The following ZDHHC2 variants were observed in gnomAD, a reference collection of about 807,000 sequenced individuals.
ZDHHC2 encodes the protein zDHHC palmitoyltransferase 2, also known as palmitoyltransferase ZDHHC2.
In ZDHHC2, 51 loss-of-function variants were observed where a neutral mutation model predicts 55.6. The observed-to-expected ratio is 0.92, with a 90% confidence interval of 0.73 to 1.16. The LOEUF (loss-of-function observed/expected upper bound fraction) is 1.16, where lower values mean the gene tolerates loss of function less well. Ranked by LOEUF, ZDHHC2 falls within the 50% of genes most tolerant of loss-of-function variation. ZDHHC2 has a pLI of 0.00. For missense variants in ZDHHC2, 491 were observed against 442.4 expected (o/e 1.11, Z -0.99); for synonymous variants, 199 against 152.9 (o/e 1.30, Z -2.22).
intron 6 of ZDHHC2, among the ~76,000 whole-genome samples, chr8:17,202,707 T>C (rs1221860356): frequency 7.2e-6 from 1 of 139,490 alleles, no homozygotes; most frequent in Non-Finnish European, 1.5e-5. Context: ...TAAATGTCAC[T>C]ATATTTCTTC....
chr8:17,177,747 GGTGTTTGTGTGTGTGTGTGTGTGT>G (rs1236909348), intron 1 of ZDHHC2, among the ~76,000 whole-genome samples: 4 of 131,904 alleles, frequency 3.0e-5, no homozygotes, highest in Admixed American at 2.4e-4. Context: ...TCTGTTTTGG[GGTGTTTGTGTGTGTGTGTGTGTGT>G]GTGTTTGTGT....
intron 8 of ZDHHC2, among the ~76,000 whole-genome samples, chr8:17,209,552 T>C (rs114753563): frequency 6.6e-6 from 1 of 152,180 alleles, no homozygotes; most frequent in Admixed American, 6.5e-5. Context: ...ATAGTCTGAT[T>C]GTGGTTTTCT....
At chr8:17,192,500 C>G (rs2959629) in intron 3 of ZDHHC2, among the ~76,000 whole-genome samples, 134,964 of 152,212 alleles carry the variant, frequency 0.89, 60,053 homozygotes, top group Admixed American at 0.94. Context: ...GTTGTTCGAG[C>G]TCCTTATACA....
chr8:17,217,068 C>T (rs1005903910), intron 11 of ZDHHC2, 104 bp from the exon 12 acceptor site: 2 of 1,106,738 alleles, frequency 1.8e-6, no homozygotes, highest in African/African-American at 3.2e-5. Context: ...TACAAGGCAC[C>T]TTTGGAAGTC....
At chr8:17,209,691 A>G (rs1807278671) in intron 8 of ZDHHC2, among the ~76,000 whole-genome samples, 10 of 152,182 alleles carry the variant, frequency 6.6e-5, no homozygotes, top group Admixed American at 6.6e-4. Context: ...ATTTTCTACA[A>G]TGCACATGTA....
At chr8:17,212,667 C>T (rs1181351455) in intron 10 of ZDHHC2, among the ~76,000 whole-genome samples, 1 of 152,120 alleles carries the variant, frequency 6.6e-6, no homozygotes. Flanking sequence ...TCTATTTTCC[C>T]TTCAAAATAT....
At chr8:17,171,072 A>T (rs1230399213) in intron 1 of ZDHHC2, among the ~76,000 whole-genome samples, 1 of 152,136 alleles carries the variant, frequency 6.6e-6, no homozygotes, top group Non-Finnish European at 1.5e-5. Context: ...CCATAGACTT[A>T]CATGGTTCTA....
chr8:17,217,281 TAACAG>T, intron 12 of ZDHHC2, 35 bp downstream of exon 12: 1 of 1,450,122 alleles, frequency 6.9e-7, no homozygotes, highest in Non-Finnish European at 9.4e-7. Flanking sequence ...TTTATATTTT[TAACAG>T]TCTTCTAATT....
intron 6 of ZDHHC2, among the ~76,000 whole-genome samples, chr8:17,199,521 G>GTCT (rs574618918): frequency 1.7e-4 from 6 of 35,654 alleles, no homozygotes; most frequent in Admixed American, 1.1e-3. Flanking sequence ...CTTCGTCTTC[G>GTCT]TCTTCGTCTT....
At chr8:17,199,957 A>G (rs1288046152) in intron 6 of ZDHHC2, among the ~76,000 whole-genome samples, 1 of 151,912 alleles carries the variant, frequency 6.6e-6, no homozygotes, top group Non-Finnish European at 1.5e-5. Flanking sequence ...CGGTTTCACC[A>G]TATTGGCCAG....
chr8:17,166,077 G>A (rs964368708), intron 1 of ZDHHC2, among the ~76,000 whole-genome samples: 3 of 152,186 alleles, frequency 2.0e-5, no homozygotes, highest in South Asian at 2.1e-4. Flanking sequence ...TGAGGACTTC[G>A]GTTTTACTTG....
At chr8:17,199,586 TTC>T (rs1806596021) in intron 6 of ZDHHC2, among the ~76,000 whole-genome samples, 1 of 60,222 alleles carries the variant, frequency 1.7e-5, no homozygotes, top group African/African-American at 3.4e-5. Flanking sequence ...CTTCTTCTTC[TTC>T]TTTCTTCTTC....
At chr8:17,170,919 T>C (rs1413433711) in intron 1 of ZDHHC2, among the ~76,000 whole-genome samples, 1 of 152,224 alleles carries the variant, frequency 6.6e-6, no homozygotes, top group African/African-American at 2.4e-5. Flanking sequence ...AAATAATCAT[T>C]GAGGCACTTC....
intron 3 of ZDHHC2, among the ~76,000 whole-genome samples, chr8:17,190,951 CTTTTTTTTTTTTTT>C (rs10601402): frequency 1.9e-5 from 1 of 52,760 alleles, no homozygotes; most frequent in Admixed American, 2.8e-4. Context: ...CTTATTCATT[CTTTTTTTTTTTTTT>C]TTTTTTTTTT....
At chr8:17,197,990 T>G (rs1198029641) in intron 5 of ZDHHC2, among the ~76,000 whole-genome samples, 1 of 152,222 alleles carries the variant, frequency 6.6e-6, no homozygotes, top group Non-Finnish European at 1.5e-5. Flanking sequence ...TTGTTATATA[T>G]TTAATATACT....
At chr8:17,158,531 T>A (rs945011234) in intron 1 of ZDHHC2, among the ~76,000 whole-genome samples, 10 of 152,204 alleles carry the variant, frequency 6.6e-5, no homozygotes, top group Non-Finnish European at 1.2e-4. Context: ...CTAGCTGAGG[T>A]GCTATATGGC....
intron 1 of ZDHHC2, among the ~76,000 whole-genome samples, chr8:17,171,655 T>A (rs1307449597): frequency 1.3e-5 from 2 of 152,006 alleles, no homozygotes; most frequent in African/African-American, 4.8e-5. Flanking sequence ...TGCTTAGCTA[T>A]TTAGAGCAAT....
chr8:17,189,219 T>C (rs12682154), intron 3 of ZDHHC2, among the ~76,000 whole-genome samples: 16,751 of 150,832 alleles, frequency 0.11, 1,149 homozygotes, highest in South Asian at 0.24. Flanking sequence ...TCTCTCACCT[T>C]TTTGATGTCT....
intron 6 of ZDHHC2, among the ~76,000 whole-genome samples, chr8:17,202,270 G>C (rs1806825710): frequency 6.6e-6 from 1 of 150,646 alleles, no homozygotes; most frequent in African/African-American, 2.4e-5. Flanking sequence ...GCCTAGGCTG[G>C]AGTGCAGTGG....
Sources: gnomAD v4.1 joint callset for allele counts (sites outside exome capture counted in the v4.1 genomes callset) on GRCh38, gnomAD v4.1.1 for gene constraint, MANE v1.5 for transcripts, NCBI Gene and HGNC (gene_info 2026-07-23, HGNC 2026-07-21) for gene names.